The following PPP1R8 variants were observed in gnomAD, a reference collection of about 807,000 sequenced individuals.
The protein encoded by PPP1R8 is protein phosphatase 1 regulatory subunit 8.
A neutral mutation model predicts 31.3 loss-of-function variants in PPP1R8; 4 were observed. The ratio of observed to expected loss-of-function variants is 0.13; its 90% CI spans 0.06 to 0.29. The LOEUF is 0.29. Among genes scored for constraint, PPP1R8 ranks in the 10% least tolerant of loss-of-function variants. The pLI, the probability that PPP1R8 is intolerant of heterozygous loss-of-function variation, is 1.00. For missense variants in PPP1R8, 254 were observed against 440.1 expected (o/e 0.58, Z 3.78); for synonymous variants, 170 against 169.7 (o/e 1.00, Z -0.01).
Position 27,843,308 on chromosome 1 carries a change from G to A in PPP1R8, c.615G>A (p.Glu205=). Residue 205 remains glutamate, a synonymous_variant, in exon 5 of 7, where the codon GAG becomes GAA. Coordinates refer to ENST00000311772, the MANE Select transcript of PPP1R8 (RefSeq NM_014110.5). ...KRKNSRVTFS[E]DDEIINPEDV... is the part of the protein sequence containing the mutation. ...AGAACTCACGGGTGACATTCAGTGA[G>A]GATGATGAGATCATCAACCCAGGTG... The A allele has an allele frequency of 3.7e-6, 6 of 1,614,154 alleles. No homozygotes were observed. The highest frequency in any genetic ancestry group is 5.1e-6 in the Non-Finnish European group (6 of 1,180,034).
intron 6 of PPP1R8, among the ~76,000 whole-genome samples, chr1:27,849,393 T>A (rs1221674576): frequency 2.7e-5 from 4 of 147,042 alleles, no homozygotes; most frequent in Non-Finnish European, 4.5e-5. Flanking sequence ...AAAAAAAAAA[T>A]TGCACACCAA....
At chr1:27,832,031 T>A (rs1465456309) in intron 1 of PPP1R8, among the ~76,000 whole-genome samples, 1 of 152,218 alleles carries the variant, frequency 6.6e-6, no homozygotes, top group Admixed American at 6.5e-5. Flanking sequence ...GATTTCAAAT[T>A]TGGGCCGAGA....
chr1:27,847,957 C>T (rs1304560209), intron 6 of PPP1R8, among the ~76,000 whole-genome samples: 1 of 152,138 alleles, frequency 6.6e-6, no homozygotes, highest in African/African-American at 2.4e-5. Flanking sequence ...GAGAGAGGCC[C>T]ACCTTCTTTT....
intron 3 of PPP1R8, among the ~76,000 whole-genome samples, chr1:27,839,924 T>C (rs1360390966): frequency 6.6e-6 from 1 of 151,902 alleles, no homozygotes; most frequent in Non-Finnish European, 1.5e-5. Context: ...AGCCCTGTAT[T>C]GTGGAGTGCG....
At chr1:27,839,749 A>G (rs2089204831) in intron 3 of PPP1R8, among the ~76,000 whole-genome samples, 1 of 151,994 alleles carries the variant, frequency 6.6e-6, no homozygotes, top group South Asian at 2.1e-4. Context: ...TTGACTGTGA[A>G]TAATACCAGT....
intron 1 of PPP1R8, chr1:27,831,227 A>G: frequency 1.9e-6 from 2 of 1,077,298 alleles, no homozygotes; most frequent in Non-Finnish European, 1.1e-6. Context: ...CTCGTGGAGC[A>G]TCGCATCTGG....
rs550706487 is a variant in PPP1R8 at position 27,832,114 on chromosome 1, AC to A, written c.57-640del. 2.3e-3 allele frequency among the ~76,000 whole-genome samples: 355 copies of A among 152,294 alleles called. 1 individual carries two copies. The highest frequency in any genetic ancestry group is 3.9e-3 in the Non-Finnish European group (267 of 68,026). On this transcript the variant is annotated intron_variant, in intron 1 of 6. Transcript: ENST00000311772. ...CCTTAGGATCTGGTAGGTACCAGGC[AC>A]CGTTAGGTGCTTTGACATATGAGTC...
At chr1:27,845,897 C>T (rs1297265303) in intron 5 of PPP1R8, among the ~76,000 whole-genome samples, 4 of 147,566 alleles carry the variant, frequency 2.7e-5, no homozygotes, top group Non-Finnish European at 5.9e-5. Context: ...TCACGCCATT[C>T]TCCTGCCTCA....
At chr1:27,848,024 A>G (rs572452396) in intron 6 of PPP1R8, among the ~76,000 whole-genome samples, 1 of 152,202 alleles carries the variant, frequency 6.6e-6, no homozygotes, top group Non-Finnish European at 1.5e-5. Context: ...CATTATTGCA[A>G]TACCACACAG....
At chr1:27,833,635 GTC>G (rs1571544194) in intron 2 of PPP1R8, among the ~76,000 whole-genome samples, 2 of 152,166 alleles carry the variant, frequency 1.3e-5, no homozygotes, top group East Asian at 3.8e-4. Context: ...GTAGCTGTGA[GTC>G]TCCCATATTA....
intron 4 of PPP1R8, among the ~76,000 whole-genome samples, chr1:27,841,976 C>A (rs1403845293): frequency 1.3e-5 from 2 of 152,198 alleles, no homozygotes; most frequent in Admixed American, 6.5e-5. Context: ...TCCTTAACCA[C>A]CCACCTGCAT....
chr1:27,848,288 C>A (rs2089305590), intron 6 of PPP1R8, among the ~76,000 whole-genome samples: 1 of 151,940 alleles, frequency 6.6e-6, no homozygotes, highest in Non-Finnish European at 1.5e-5. Context: ...GCCTATAGTC[C>A]CAGCTACTCA....
At chr1:27,837,632 G>A (rs1383461774) in intron 2 of PPP1R8, among the ~76,000 whole-genome samples, 3 of 151,210 alleles carry the variant, frequency 2.0e-5, no homozygotes, top group African/African-American at 7.3e-5. Context: ...AAAATTAGCT[G>A]GGCGTGGTGG....
intron 5 of PPP1R8, among the ~76,000 whole-genome samples, chr1:27,844,090 C>T (rs1415959788): frequency 6.6e-6 from 1 of 152,108 alleles, no homozygotes; most frequent in Non-Finnish European, 1.5e-5. Context: ...ACAGCCTTGA[C>T]CACCCAGGCT....
chr1:27,848,077 G>T (rs995341315), intron 6 of PPP1R8, among the ~76,000 whole-genome samples: 1 of 152,110 alleles, frequency 6.6e-6, no homozygotes, highest in East Asian at 1.9e-4. Flanking sequence ...GCACAGATAG[G>T]AATGTCAGCC....
At chr1:27,834,520 C>T (rs779649851) in intron 2 of PPP1R8, 3 of 518,784 alleles carry the variant, frequency 5.8e-6, no homozygotes, top group Admixed American at 1.9e-5. Flanking sequence ...GTCTTTTAAG[C>T]CCAGTGTGTA....
Position 27,838,165 on chromosome 1 carries a change from T to G in PPP1R8, c.118-534T>G, listed in dbSNP as rs545017455. ...GTTGGAGGTTGCAGTGAGCCAAGAT[T>G]GCACCATTGCACTCCAACCTGGGTG... On this transcript the variant is annotated intron_variant, in intron 2 of 6. Coordinates refer to ENST00000311772, the MANE Select transcript of PPP1R8 (RefSeq NM_014110.5). 3.4e-4 allele frequency among the ~76,000 whole-genome samples: 49 copies of G among 142,814 alleles called. 1 individual carries two copies. In the South Asian group the frequency reaches 9.7e-3, roughly 28 times the overall value. The allele number at this position is 142,814 out of a possible 152,430, so 93.7% of individuals were successfully genotyped here.
chr1:27,851,395 G>A lies in PPP1R8; in HGVS notation c.*949G>A. 1 of 363,178 alleles carries A rather than the reference G, an allele frequency of 2.8e-6. No individual in the cohort carries two copies. Among genetic ancestry groups the A allele is most frequent in the Non-Finnish European group, 5.6e-6 (1 of 179,580 alleles). 22.5% of individuals were successfully genotyped at this position (363,178 alleles called of 1,614,324 possible). A position where few individuals can be genotyped will look rare whatever the true frequency, so the allele number is the denominator to read the frequency against. ...CTAGACCTGGCTAACAAACATAGGA[G>A]ACAAAGTTAGGAAACATTGATACAA... On this transcript the variant is annotated 3_prime_UTR_variant, in exon 7 of 7. Coordinates refer to ENST00000311772, the MANE Select transcript of PPP1R8 (RefSeq NM_014110.5).
chr1:27,840,910 G>T, intron 3 of PPP1R8, 104 bp from the exon 4 acceptor site: 5 of 1,158,030 alleles, frequency 4.3e-6, no homozygotes, highest in Non-Finnish European at 6.2e-6. Context: ...CTGATGTGCT[G>T]GGGGGAAGCT....
Sources: allele counts gnomAD v4.1 joint callset (sites outside exome capture counted in the v4.1 genomes callset), GRCh38; gene constraint gnomAD v4.1.1; transcripts MANE v1.5; gene names NCBI Gene and HGNC (gene_info 2026-07-23, HGNC 2026-07-21).